The following AASDH variants were observed in gnomAD, a reference collection of about 807,000 sequenced individuals.
AASDH encodes beta-alanine-activating enzyme.
AASDH carries 81 observed loss-of-function variants against 102.3 expected under a neutral mutation model. The observed-to-expected ratio is 0.79, with a 90% CI of 0.66 to 0.95. The LOEUF (loss-of-function observed/expected upper bound fraction) is 0.95. Ranked by LOEUF, AASDH falls within the 40% of genes least tolerant of loss-of-function variation. AASDH has a pLI of 0.00. For synonymous variants in AASDH, 398 were observed against 454.0 expected (o/e 0.88, Z 1.57); for missense variants, 1,203 against 1,266.2 (o/e 0.95, Z 0.76).
intron 11 of AASDH, among the ~76,000 whole-genome samples, chr4:56,347,023 A>G (rs1211010413): frequency 6.6e-6 from 1 of 151,694 alleles, no homozygotes; most frequent in Non-Finnish European, 1.5e-5. Flanking sequence ...CCTGGGTGAC[A>G]GAGCAAGACG....
chr4:56,384,567 T>A lies in AASDH; in HGVS notation c.-42-226A>T, dbSNP rs1461012345. 2.0e-5 allele frequency among the ~76,000 whole-genome samples: 3 copies of A among 152,280 alleles called. No individual in the cohort carries two copies. In the East Asian group the frequency reaches 5.8e-4, roughly 29 times the overall value. On this transcript the variant is annotated intron_variant, in intron 1 of 14. Transcript: ENST00000205214. ...GCTGGGTCAGAGCATCAAAAAAATT[T>A]GGGAGGGCAGTGGTATACACAGATG... is the stretch of plus-strand genomic sequence containing the variant.
intron 14 of AASDH, 126 bp from the exon 15 acceptor site, chr4:56,338,917 G>C: frequency 1.0e-6 from 1 of 952,684 alleles, no homozygotes; most frequent in Non-Finnish European, 1.5e-6. Context: ...ACTATACACA[G>C]ACAAAATGGC....
At chr4:56,375,976 C>T (rs921398779) in intron 4 of AASDH, among the ~76,000 whole-genome samples, 82 of 151,726 alleles carry the variant, frequency 5.4e-4, no homozygotes, top group African/African-American at 1.9e-3. Flanking sequence ...TTTAAACCAA[C>T]CCCTTCTACC....
chr4:56,349,415 T>C lies in AASDH; in HGVS notation c.2336A>G (p.Asp779Gly). Residue 779 changes from aspartate (D) to glycine (G), a missense_variant, in exon 11 of 15, where the codon GAT (aspartate) becomes GGT (glycine). Asp to Gly is a moderately conservative substitution (Grantham distance 94). Transcript: ENST00000205214. The stretch of plus-strand genomic sequence containing the variant: ...AATGTACACAGTTGTAGATGACTTA[T>C]CAAAAGTGGGTATTACAACCAGCGG... ...ASPLVVIPTF[D>G]KSSTTVYIGS... 3 of 1,614,210 alleles carry C rather than the reference T, an allele frequency of 1.9e-6. No individual in the cohort carries two copies. Among genetic ancestry groups the C allele is most frequent in the Non-Finnish European group, 2.5e-6 (3 of 1,180,038 alleles).
Position 56,369,652 on chromosome 4 carries a change from C to T in AASDH, c.861+1799G>A, listed in dbSNP as rs562248278. The stretch of plus-strand genomic sequence containing the variant: ...ATCAAAATAGAAAGTGGAAGGTGGG[C>T]GTGGTGGCTCACACCTGAAATCCCA... On this transcript the variant is annotated intron_variant, in intron 5 of 14. Transcript: ENST00000205214. Among the ~76,000 whole-genome samples the T allele has an allele frequency of 2.6e-5, 4 of 152,232 alleles. No homozygotes were observed. In the South Asian group the frequency reaches 8.3e-4, roughly 32 times the overall value.
rs752531940 is a variant in AASDH at position 56,374,367 on chromosome 4, C to CAAAAAAAAAAAAAAAAAAAAAAAAAAAAA, written c.669-2725_669-2724insTTTTTTTTTTTTTTTTTTTTTTTTTTTTT. Among the ~76,000 whole-genome samples, 2 of 110,220 alleles carry CAAAAAAAAAAAAAAAAAAAAAAAAAAAAA rather than the reference C, an allele frequency of 1.8e-5. 1 individual carries two copies. The highest frequency in any genetic ancestry group is 6.7e-5 in the African/African-American group (2 of 30,016). The allele number at this position is 110,220 out of a possible 152,430, so 72.3% of individuals were successfully genotyped here. A position where few individuals can be genotyped will look rare whatever the true frequency, so the allele number is the denominator to read the frequency against. The stretch of plus-strand genomic sequence containing the variant: ...TGGGTGACAGAGTGAGACTCTGTCT[C>CAAAAAAAAAAAAAAAAAAAAAAAAAAAAA]AGAAAAAAAAAAAAAAAAAAAAAGG... On this transcript the variant is annotated intron_variant, in intron 4 of 14. Transcript: ENST00000205214.
chr4:56,372,580 T>C (rs1425115860), intron 4 of AASDH, among the ~76,000 whole-genome samples: 1 of 152,212 alleles, frequency 6.6e-6, no homozygotes, highest in East Asian at 1.9e-4. Context: ...CCACTACATC[T>C]AAAAGCATCT....
intron 14 of AASDH, among the ~76,000 whole-genome samples, chr4:56,339,007 G>GTGTT (rs1560557493): frequency 6.6e-6 from 1 of 152,134 alleles, no homozygotes; most frequent in Non-Finnish European, 1.5e-5. Context: ...ATATACTGGA[G>GTGTT]TGTTGTTACT....
intron 5 of AASDH, among the ~76,000 whole-genome samples, chr4:56,366,180 A>C (rs1750978746): frequency 6.6e-6 from 1 of 152,218 alleles, no homozygotes; most frequent in Non-Finnish European, 1.5e-5. Flanking sequence ...GAAGAAGTTG[A>C]ATCTCTGTAT....
chr4:56,338,860 T>C (rs575328567), intron 14 of AASDH, 69 bp from the exon 15 acceptor site: 2 of 1,448,006 alleles, frequency 1.4e-6, no homozygotes, highest in South Asian at 2.5e-5. Context: ...TAAAGCTCTA[T>C]GAGGTTCTTA....
chr4:56,362,253 C>CT (rs879849570), intron 5 of AASDH, among the ~76,000 whole-genome samples: 14 of 151,074 alleles, frequency 9.3e-5, no homozygotes, highest in East Asian at 5.8e-4. Context: ...GTTTTGACAG[C>CT]TTTTTTTTTC....
chr4:56,358,740 C>G (rs1264918924), intron 5 of AASDH, among the ~76,000 whole-genome samples: 1 of 152,048 alleles, frequency 6.6e-6, no homozygotes, highest in East Asian at 1.9e-4. Flanking sequence ...TGTTTTGTGG[C>G]TTAGCATATG....
chr4:56,358,441 TCA>T (rs1243998497), intron 5 of AASDH, among the ~76,000 whole-genome samples: 1 of 149,672 alleles, frequency 6.7e-6, no homozygotes. Flanking sequence ...GTCAAAGCAT[TCA>T]GTCTTTTATC....
intron 3 of AASDH, 150 bp downstream of exon 3, chr4:56,382,327 A>G: frequency 1.3e-6 from 1 of 759,276 alleles, no homozygotes; most frequent in Non-Finnish European, 2.0e-6. Context: ...TCCTCACAAC[A>G]ATTACTCAAC....
At chr4:56,339,721 A>G (rs1577943922) in intron 14 of AASDH, among the ~76,000 whole-genome samples, 1 of 143,640 alleles carries the variant, frequency 7.0e-6, no homozygotes, top group Non-Finnish European at 1.5e-5. Flanking sequence ...ACTGCACTCC[A>G]CCCTGGGCGA....
intron 4 of AASDH, among the ~76,000 whole-genome samples, chr4:56,374,244 T>C (rs1752071139): frequency 6.6e-6 from 1 of 151,812 alleles, no homozygotes; most frequent in Non-Finnish European, 1.5e-5. Flanking sequence ...CCAGGCATAG[T>C]GGCGTGCACC....
intron 11 of AASDH, among the ~76,000 whole-genome samples, chr4:56,347,400 CCTA>C (rs1402112075): frequency 2.6e-5 from 4 of 152,040 alleles, no homozygotes; most frequent in African/African-American, 4.8e-5. Flanking sequence ...GAAAGCTATT[CCTA>C]AGCCTTTAGT....
In AASDH at chr4:56,354,700, A is replaced by C; in HGVS notation, c.1210+5T>G. 2 of 1,588,714 alleles carry C rather than the reference A, an allele frequency of 1.3e-6. No individual in the cohort carries two copies. The highest frequency in any genetic ancestry group is 1.2e-5 in the South Asian group (1 of 85,904). On this transcript the variant is annotated splice_donor_5th_base_variant and intron_variant, in intron 7 of 14. Coordinates refer to ENST00000205214, the MANE Select transcript of AASDH (RefSeq NM_181806.4). ...AAAATTCCCAATCAACAAATATAAAACAACCTAAAAATACTTGGCCACTGC... is the reference window on the plus strand; with the variant it reads ...AAAATTCCCAATCAACAAATATAAACCAACCTAAAAATACTTGGCCACTGC...
chr4:56,359,781 A>C (rs544723009), intron 5 of AASDH, among the ~76,000 whole-genome samples: 72 of 148,310 alleles, frequency 4.9e-4, no homozygotes, highest in African/African-American at 1.7e-3. Context: ...CTAGTCTTGA[A>C]CTCCTGACCT....
Sources: allele counts gnomAD v4.1 joint callset (sites outside exome capture counted in the v4.1 genomes callset), GRCh38; gene constraint gnomAD v4.1.1; transcripts MANE v1.5; gene names NCBI Gene and HGNC (gene_info 2026-07-23, HGNC 2026-07-21).